TRDMT1: variants seen among roughly 807,000 people sequenced by gnomAD.
TRDMT1 encodes tRNA aspartic acid methyltransferase 1, also known as tRNA (cytosine(38)-C(5))-methyltransferase.
A neutral mutation model predicts 51.2 loss-of-function variants in TRDMT1; 49 were observed. The observed-to-expected ratio is 0.96, with a 90% CI of 0.76 to 1.21. The LOEUF (loss-of-function observed/expected upper bound fraction) is 1.21. Ranked by LOEUF, TRDMT1 falls within the 50% of genes most tolerant of loss-of-function variation. The pLI, the probability that TRDMT1 is intolerant of heterozygous loss-of-function variation, is 0.00. For synonymous variants in TRDMT1, 187 were observed against 164.6 expected (o/e 1.14, Z -1.04); for missense variants, 534 against 462.3 (o/e 1.16, Z -1.42).
Position 17,195,970 on chromosome 10 carries a change from C to T in TRDMT1, c.64+5601G>A, listed in dbSNP as rs74117743. ...AAATTAAGCGGTTCATAGGCCAGCC[C>T]CTAACAACTGATGCTATAAAAATAT... On this transcript the variant is annotated intron_variant, in intron 1 of 10. Transcript: ENST00000377799. Among the ~76,000 whole-genome samples, 778 of 152,232 alleles carry T rather than the reference C, an allele frequency of 5.1e-3. 4 individuals are homozygous for T. The highest frequency in any genetic ancestry group is 0.017 in the African/African-American group (723 of 41,540).
rs1248253300 is a variant in TRDMT1 at position 17,195,624 on chromosome 10, CT to C, written c.64+5946del. On this transcript the variant is annotated intron_variant, in intron 1 of 10. Transcript: ENST00000377799. ...AAGCTGAAAAAAAAAAAATTTACCC[CT>C]AACCCCAAAAAATACTTTGCAGTGA... Among the ~76,000 whole-genome samples, 6 of 152,054 alleles carry C rather than the reference CT, an allele frequency of 3.9e-5. No homozygotes were observed. The East Asian group carries it at 5.8e-4, about 15-fold the overall frequency.
chr10:17,156,301 C>T (rs1434880934), intron 8 of TRDMT1, among the ~76,000 whole-genome samples: 2 of 150,994 alleles, frequency 1.3e-5, no homozygotes, highest in Non-Finnish European at 2.9e-5. Flanking sequence ...GGGATATGAT[C>T]TCGGCTCACT....
chr10:17,168,835 A>G lies in TRDMT1; in HGVS notation c.251+6T>C, dbSNP rs574940692. 5 of 1,598,894 alleles carry G rather than the reference A, an allele frequency of 3.1e-6. No individual in the cohort carries two copies. In the African/African-American group the frequency reaches 5.4e-5, roughly 17 times the overall value. ...AATACAACACTGAAATATTTATGAC[A>G]CATACCTTGTGAATGGCTGGCAGGG... On this transcript the variant is annotated splice_donor_region_variant and intron_variant, in intron 3 of 10. Transcript: ENST00000377799.
At chr10:17,153,731 T>A in intron 9 of TRDMT1, 95 bp from the exon 10 acceptor site, 1 of 1,334,946 alleles carries the variant, frequency 7.5e-7, no homozygotes, top group South Asian at 1.5e-5. Flanking sequence ...GGACATACAG[T>A]CTGCTGTAAC....
intron 10 of TRDMT1, 76 bp from the exon 11 acceptor site, chr10:17,149,216 T>G: frequency 8.6e-7 from 1 of 1,156,776 alleles, no homozygotes; most frequent in Non-Finnish European, 1.3e-6. Context: ...TATCCTTTAG[T>G]AAGGGCACAG....
intron 3 of TRDMT1, among the ~76,000 whole-genome samples, chr10:17,165,701 G>C (rs1286232274): frequency 6.6e-6 from 1 of 152,090 alleles, no homozygotes; most frequent in African/African-American, 2.4e-5. Flanking sequence ...CCATCAAAAA[G>C]TGAGCAAAGG....
Position 17,142,016 on chromosome 10 carries a change from CTTTT to C in TRDMT1, c.*7020_*7023del, listed in dbSNP as rs951184963. On this transcript the variant is annotated 3_prime_UTR_variant, in exon 11 of 11. Coordinates refer to ENST00000377799, the MANE Select transcript of TRDMT1 (RefSeq NM_004412.7). ...ATATAGTGCACCTACCATAATGGTT[CTTTT>C]GTTAACTTCTATTTCTTTGCTGAGC... Among the ~76,000 whole-genome samples, 22 of 151,274 alleles carry C rather than the reference CTTTT, an allele frequency of 1.5e-4. No individual in the cohort carries two copies. The highest frequency in any genetic ancestry group is 5.1e-4 in the African/African-American group (21 of 41,208).
intron 8 of TRDMT1, among the ~76,000 whole-genome samples, chr10:17,155,553 A>G (rs1839386687): frequency 6.6e-6 from 1 of 152,076 alleles, no homozygotes; most frequent in Non-Finnish European, 1.5e-5. Flanking sequence ...GTCATTTAAC[A>G]CAGTATGATT....
chr10:17,150,132 C>A (rs1219444871), intron 10 of TRDMT1, among the ~76,000 whole-genome samples: 1 of 152,126 alleles, frequency 6.6e-6, no homozygotes, highest in African/African-American at 2.4e-5. Flanking sequence ...ATCTCCACAT[C>A]TTCATCAATA....
At chr10:17,149,346 C>T (rs771730848) in intron 10 of TRDMT1, among the ~76,000 whole-genome samples, 45 of 152,134 alleles carry the variant, frequency 3.0e-4, no homozygotes, top group Non-Finnish European at 5.1e-4. Context: ...TAACACATCA[C>T]ATTATGTGTT....
intron 1 of TRDMT1, among the ~76,000 whole-genome samples, chr10:17,182,761 T>C (rs1288501662): frequency 6.6e-6 from 1 of 152,236 alleles, no homozygotes; most frequent in Non-Finnish European, 1.5e-5. Flanking sequence ...TATTTTCAGT[T>C]GCCCAGTCTC....
intron 1 of TRDMT1, among the ~76,000 whole-genome samples, chr10:17,189,708 T>G (rs542397292): frequency 7.9e-5 from 12 of 152,304 alleles, no homozygotes; most frequent in African/African-American, 2.9e-4. Context: ...TTTTAAAAAT[T>G]CTAGTTAATT....
At chr10:17,161,595 A>G in intron 4 of TRDMT1, 47 bp from the exon 5 acceptor site, 1 of 960,744 alleles carries the variant, frequency 1.0e-6, no homozygotes, top group Non-Finnish European at 1.4e-6. Flanking sequence ...CATTACTAAG[A>G]AGAAAAAGTA....
chr10:17,139,986 G>A lies in TRDMT1; in HGVS notation c.*9054C>T, dbSNP rs931578097. On this transcript the variant is annotated 3_prime_UTR_variant, in exon 11 of 11. Coordinates refer to ENST00000377799, the MANE Select transcript of TRDMT1 (RefSeq NM_004412.7). ...AGAAGAGACATAAACAATACCCTAG[G>A]AGTTATACACAATTTTGGCATTAAA... Among the ~76,000 whole-genome samples the A allele has an allele frequency of 7.0e-6, 1 of 141,914 alleles. No individual in the cohort carries two copies. Among genetic ancestry groups the A allele is most frequent in the African/African-American group, 2.6e-5 (1 of 38,124 alleles). The allele number at this position is 141,914 out of a possible 152,430, so 93.1% of individuals were successfully genotyped here.
intron 3 of TRDMT1, among the ~76,000 whole-genome samples, chr10:17,166,355 C>A (rs1841206825): frequency 8.3e-6 from 1 of 119,860 alleles, no homozygotes; most frequent in African/African-American, 3.3e-5. Flanking sequence ...GAACATCACA[C>A]ACCGGGGCCT....
At chr10:17,153,700 G>A in intron 9 of TRDMT1, 64 bp from the exon 10 acceptor site, 2 of 1,479,302 alleles carry the variant, frequency 1.4e-6, no homozygotes, top group Non-Finnish European at 1.8e-6. Context: ...ATCTCCTGCT[G>A]TGAGATAGTT....
chr10:17,147,209 G>A lies in TRDMT1; in HGVS notation c.*1831C>T. ...GTGAACAGAACCTACATGAAAGTGT[G>A]CCAAAATAATTTGTGATTGTTTACT... is the stretch of plus-strand genomic sequence containing the variant. On this transcript the variant is annotated 3_prime_UTR_variant, in exon 11 of 11. Transcript: ENST00000377799. The A allele has an allele frequency of 3.0e-6, 3 of 985,800 alleles. No homozygotes were observed. The South Asian group carries it at 1.4e-4, about 46-fold the overall frequency. 61.1% of individuals were successfully genotyped at this position (985,800 alleles called of 1,614,324 possible). A position where few individuals can be genotyped will look rare whatever the true frequency, so the allele number is the denominator to read the frequency against.
chr10:17,151,197 C>A, intron 10 of TRDMT1: 1 of 842,444 alleles, frequency 1.2e-6, no homozygotes, highest in Non-Finnish European at 1.4e-6. Context: ...TACTTTTCTA[C>A]CAATCTAACA....
At chr10:17,171,760 C>T (rs2131501695) in intron 2 of TRDMT1, 2 of 152,322 alleles carry the variant, frequency 1.3e-5, no homozygotes, top group Middle Eastern at 3.4e-3. Context: ...ATTTTCTAAC[C>T]ATAGTTTTCC....
Sources: gnomAD v4.1 joint callset for allele counts (sites outside exome capture counted in the v4.1 genomes callset) on GRCh38, gnomAD v4.1.1 for gene constraint, MANE v1.5 for transcripts, NCBI Gene and HGNC (gene_info 2026-07-23, HGNC 2026-07-21) for gene names.